PATJ: variants seen among roughly 807,000 people sequenced by gnomAD.
PATJ encodes inaD-like protein.
In PATJ, 190 loss-of-function variants were observed where a neutral mutation model predicts 224.9. That is an observed-to-expected ratio of 0.84 (90% confidence interval 0.75 to 0.95). The LOEUF is 0.95. Among genes scored for constraint, PATJ ranks in the 40% least tolerant of loss-of-function variants. The pLI, the probability that PATJ is intolerant of heterozygous loss-of-function variation, is 0.00. For missense variants in PATJ, 2,121 were observed against 2,270.3 expected (o/e 0.93, Z 1.34); for synonymous variants, 769 against 820.3 (o/e 0.94, Z 1.07).
Position 61,827,435 on chromosome 1 carries a change from A to T in PATJ, c.1832A>T (p.Gln611Leu). The T allele has an allele frequency of 6.2e-7, 1 of 1,613,856 alleles. No homozygotes were observed. Among genetic ancestry groups the T allele is most frequent in the Non-Finnish European group, 8.5e-7 (1 of 1,179,896 alleles). ...EDELLEVNGM[Q>L]LYGKSRREAV... The stretch of plus-strand genomic sequence containing the variant: ...TTGTCTTCCTAGGTCAATGGCATGC[A>T]GCTTTATGGAAAATCTCGCCGAGAA... Residue 611 changes from glutamine to leucine, a missense_variant, in exon 16 of 44, where the codon CAG (glutamine) becomes CTG (leucine). Physicochemically the swap from Gln to Leu is moderately radical, Grantham distance 113 (BLOSUM62 -2). Coordinates refer to ENST00000642238, the MANE Select transcript of PATJ (RefSeq NM_001350145.3).
chr1:62,150,679 GAAAAAAAAA>G (rs56167585), intron 42 of PATJ, among the ~76,000 whole-genome samples: 40 of 82,010 alleles, frequency 4.9e-4, no homozygotes, highest in Non-Finnish European at 5.0e-4. Flanking sequence ...CCTGTCTCAA[GAAAAAAAAA>G]AAAAAAAAAA....
intron 15 of PATJ, among the ~76,000 whole-genome samples, chr1:61,827,183 T>C (rs540028438): frequency 2.6e-4 from 40 of 152,310 alleles, no homozygotes; most frequent in African/African-American, 9.6e-4. Context: ...ATGCATTTTG[T>C]ACTTTATCCA....
chr1:62,015,242 T>C (rs1646705344), intron 28 of PATJ, among the ~76,000 whole-genome samples: 1 of 151,550 alleles, frequency 6.6e-6, no homozygotes, highest in East Asian at 1.9e-4. Flanking sequence ...AGGCGGAGGT[T>C]GCAGTGAGCT....
chr1:61,801,756 C>T lies in PATJ; in HGVS notation c.1536C>T (p.Ala512=). ...IDTLKNDNIQ[A]LEKLEKVPDS... is the part of the protein sequence containing the mutation. ...CTTTAAAAAATGACAACATACAAGC[C>T]TTAGAAAAATTGGGTAGGCACAAAG... The change falls in exon 12 of 44, where the codon GCC becomes GCT. Residue 512 remains alanine (A), a synonymous_variant. Transcript: ENST00000642238. 1 of 1,583,488 alleles carries T rather than the reference C, an allele frequency of 6.3e-7. No individual in the cohort carries two copies.
At chr1:61,865,168 G>A (rs1458399342) in intron 20 of PATJ, 1 of 150,074 alleles carries the variant, frequency 6.7e-6, no homozygotes, top group South Asian at 2.1e-4. Flanking sequence ...CATTGTGTGT[G>A]TGTATATATA....
At chr1:61,880,021 A>G (rs944092126) in intron 21 of PATJ, among the ~76,000 whole-genome samples, 1 of 151,930 alleles carries the variant, frequency 6.6e-6, no homozygotes, top group Non-Finnish European at 1.5e-5. Context: ...TATTTTTAGT[A>G]GAGATGGGGT....
chr1:61,748,448 G>T (rs1645145087), intron 1 of PATJ, among the ~76,000 whole-genome samples: 1 of 149,396 alleles, frequency 6.7e-6, no homozygotes, highest in Non-Finnish European at 1.5e-5. Context: ...TACAGACGGG[G>T]TTTCACCATG....
chr1:62,048,906 C>T (rs1653065652), intron 30 of PATJ, among the ~76,000 whole-genome samples: 2 of 152,106 alleles, frequency 1.3e-5, no homozygotes, highest in East Asian at 3.9e-4. Context: ...ATAATTCAAA[C>T]ATTCCAAAAT....
intron 8 of PATJ, among the ~76,000 whole-genome samples, chr1:61,789,534 C>T (rs922760860): frequency 1.3e-5 from 2 of 151,788 alleles, no homozygotes; most frequent in Non-Finnish European, 2.9e-5. Context: ...TTTCTCCAGC[C>T]GGTCTTGGTG....
chr1:62,099,490 T>C (rs1661875380), intron 33 of PATJ, among the ~76,000 whole-genome samples: 1 of 151,966 alleles, frequency 6.6e-6, no homozygotes, highest in Non-Finnish European at 1.5e-5. Context: ...AATGTGAGAT[T>C]TAATGTGAAA....
chr1:62,112,804 C>A (rs1269604743), intron 34 of PATJ, among the ~76,000 whole-genome samples: 1 of 152,176 alleles, frequency 6.6e-6, no homozygotes, highest in Non-Finnish European at 1.5e-5. Flanking sequence ...AATTTACTAA[C>A]CAATGTCAGT....
At chr1:61,900,038 T>G (rs6663078) in intron 23 of PATJ, among the ~76,000 whole-genome samples, 1 of 152,038 alleles carries the variant, frequency 6.6e-6, no homozygotes. Flanking sequence ...TCTACCTTCC[T>G]CCCCTGGTGG....
chr1:61,782,044 C>T (rs977473837), intron 7 of PATJ, among the ~76,000 whole-genome samples: 26 of 152,114 alleles, frequency 1.7e-4, no homozygotes, highest in African/African-American at 5.3e-4. Context: ...TAGCATATAC[C>T]GAAGTCCTAG....
intron 31 of PATJ, among the ~76,000 whole-genome samples, chr1:62,056,299 T>C (rs1006599197): frequency 2.0e-5 from 3 of 152,228 alleles, no homozygotes; most frequent in Admixed American, 1.3e-4. Context: ...TGCTAACTTA[T>C]TCACATAACA....
intron 7 of PATJ, among the ~76,000 whole-genome samples, chr1:61,777,998 G>T (rs1647031192): frequency 6.6e-6 from 1 of 151,988 alleles, no homozygotes; most frequent in Non-Finnish European, 1.5e-5. Context: ...CCCCACCTCA[G>T]CTTCTGGGGG....
intron 10 of PATJ, 144 bp from the exon 11 acceptor site, chr1:61,797,143 G>A (rs1651506324): frequency 1.2e-6 from 1 of 861,580 alleles, no homozygotes; most frequent in Non-Finnish European, 1.8e-6. Flanking sequence ...CAAAGTGCTG[G>A]GATTACAGGC....
At chr1:62,015,416 T>C (rs956957659) in intron 28 of PATJ, among the ~76,000 whole-genome samples, 2 of 152,228 alleles carry the variant, frequency 1.3e-5, no homozygotes, top group African/African-American at 4.8e-5. Context: ...GGCATTATCT[T>C]GTTTAATTCT....
At chr1:61,899,468 A>G (rs1670822880) in intron 22 of PATJ, 115 bp from the exon 23 acceptor site, 1 of 600,494 alleles carries the variant, frequency 1.7e-6, no homozygotes, top group Non-Finnish European at 2.8e-6. Context: ...TAAAAACTTA[A>G]AAATTGAGAA....
intron 34 of PATJ, among the ~76,000 whole-genome samples, chr1:62,109,185 C>T (rs1047598124): frequency 2.0e-5 from 3 of 147,994 alleles, no homozygotes; most frequent in East Asian, 1.9e-4. Context: ...AGAGCTTTCT[C>T]GATGGTGTGA....
Sources: allele counts gnomAD v4.1 joint callset (sites outside exome capture counted in the v4.1 genomes callset), GRCh38; gene constraint gnomAD v4.1.1; transcripts MANE v1.5; gene names NCBI Gene and HGNC (gene_info 2026-07-23, HGNC 2026-07-21).